Variants in CUBN observed in about 807,000 individuals in gnomAD.
CUBN encodes cubilin.
CUBN carries 282 observed loss-of-function variants against 405.3 expected under a neutral mutation model. The observed-to-expected ratio is 0.70, with a 90% CI of 0.63 to 0.77. The LOEUF is 0.77. CUBN is among the 30% of genes least tolerant of loss of function. The pLI is 0.00. For missense variants in CUBN, 4,514 were observed against 4,475.2 expected (o/e 1.01, Z -0.25); for synonymous variants, 1,684 against 1,617.0 (o/e 1.04, Z -0.99).
At chr10:16,949,123 G>A (rs1842856807) in intron 34 of CUBN, among the ~76,000 whole-genome samples, 1 of 152,182 alleles carries the variant, frequency 6.6e-6, no homozygotes. Flanking sequence ...AGATTACAAG[G>A]ATTGACCTAC....
chr10:17,117,696 C>T (rs1013982092), intron 6 of CUBN, among the ~76,000 whole-genome samples: 3 of 152,182 alleles, frequency 2.0e-5, no homozygotes, highest in Non-Finnish European at 4.4e-5. Context: ...TCCCAAAGTC[C>T]TGGGATTACA....
At chr10:16,958,223 C>T (rs1331851618) in intron 31 of CUBN, among the ~76,000 whole-genome samples, 1 of 152,224 alleles carries the variant, frequency 6.6e-6, no homozygotes, top group African/African-American at 2.4e-5. Context: ...CCCCTACCCC[C>T]AGCCCCTGAG....
chr10:16,915,741 T>G (rs1435422795), intron 46 of CUBN, 80 bp downstream of exon 46: 3 of 1,233,188 alleles, frequency 2.4e-6, no homozygotes, highest in Non-Finnish European at 3.6e-6. Context: ...TTGCCTTTCT[T>G]GGAAGTGAAG....
intron 28 of CUBN, among the ~76,000 whole-genome samples, chr10:17,017,923 G>A (rs1284973806): frequency 6.6e-6 from 1 of 152,168 alleles, no homozygotes; most frequent in African/African-American, 2.4e-5. Flanking sequence ...AGATGGGCAA[G>A]TCTTGCTTGG....
intron 51 of CUBN, among the ~76,000 whole-genome samples, chr10:16,903,104 A>G (rs1031068243): frequency 1.3e-5 from 2 of 152,210 alleles, no homozygotes; most frequent in African/African-American, 2.4e-5. Context: ...ACAAAATAGG[A>G]TTTATCCCAG....
chr10:16,960,810 C>T (rs1229426264), intron 31 of CUBN, among the ~76,000 whole-genome samples: 2 of 152,082 alleles, frequency 1.3e-5, no homozygotes, highest in African/African-American at 4.8e-5. Flanking sequence ...GGCAGGCTTC[C>T]TATATGCCAG....
chr10:17,045,155 G>T lies in CUBN; in HGVS notation c.3524C>A (p.Thr1175Lys), dbSNP rs745729648. 5 of 1,613,790 alleles carry T rather than the reference G, an allele frequency of 3.1e-6. No homozygotes were observed. Among genetic ancestry groups the T allele is most frequent in the Non-Finnish European group, 4.2e-6 (5 of 1,179,930 alleles). Residue 1175 changes from threonine to lysine, a missense_variant, in exon 25 of 67, where the codon ACG becomes AAG. By Grantham distance (78) the Thr-to-Lys change is moderately conservative (BLOSUM62 -1). Coordinates refer to ENST00000377833, the MANE Select transcript of CUBN (RefSeq NM_001081.4). The stretch of plus-strand genomic sequence containing the variant: ...CATCGGGTAGTTGGGAGATATGAAC[G>T]TGCCGCTTGAAGTGGTGAGATTACC... The part of the protein sequence containing the change: ...CGGNLTTSSG[T>K]FISPNYPMPY...
chr10:17,122,780 A>G lies in CUBN; in HGVS notation c.593+15T>C, dbSNP rs776577132. On this transcript the variant is annotated intron_variant, in intron 6 of 66. Coordinates refer to ENST00000377833, the MANE Select transcript of CUBN (RefSeq NM_001081.4). ...AAATATACTGATATTTACCAAAAAA[A>G]AAAAAAAAAGTTACCTGTAACTTCC... The G allele has an allele frequency of 6.0e-5, 95 of 1,573,038 alleles. No individual in the cohort carries two copies. Among genetic ancestry groups the G allele is most frequent in the African/African-American group, 2.7e-5 (2 of 73,978 alleles).
intron 48 of CUBN, among the ~76,000 whole-genome samples, chr10:16,912,913 G>A (rs1268271604): frequency 6.6e-6 from 1 of 152,206 alleles, no homozygotes; most frequent in Non-Finnish European, 1.5e-5. Flanking sequence ...ATCACATGCT[G>A]CTGTGTTGAG....
Position 17,100,136 on chromosome 10 carries a change from A to G in CUBN, c.1634T>C (p.Leu545Pro), listed in dbSNP as rs765388317. Residue 545 changes from leucine (L) to proline (P), a missense_variant, in exon 14 of 67, where the codon CTT becomes CCT. Leu to Pro is a moderately conservative substitution (Grantham distance 98). Around this residue, in one of 5 missense-constraint regions of CUBN, gnomAD observed 1,448 missense variants for 1,388.0 expected, o/e 1.04. Transcript: ENST00000377833. ...GAGGCTGGAGCCACAAAATCTTCCA[A>G]GTTGAAAAGCAGAAGAGGAATCTCC... ...YDGDSSSAFQLGRFCGSSLPH... is the reference protein window; with the variant it reads ...YDGDSSSAFQPGRFCGSSLPH... 1.9e-6 allele frequency: 3 copies of G among 1,613,812 alleles called. No individual in the cohort carries two copies. The highest frequency in any genetic ancestry group is 1.3e-5 in the African/African-American group (1 of 74,926).
chr10:17,091,045 G>C (rs12098704), intron 14 of CUBN, among the ~76,000 whole-genome samples: 23,759 of 152,042 alleles, frequency 0.16, 2,107 homozygotes, highest in Middle Eastern at 0.31. Flanking sequence ...GAAAAAGTCA[G>C]AGCTCTTTAG....
intron 16 of CUBN, 62 bp from the exon 17 acceptor site, chr10:17,084,523 G>T: frequency 1.4e-6 from 2 of 1,438,570 alleles, no homozygotes; most frequent in Non-Finnish European, 1.9e-6. Flanking sequence ...TGCAGGCATT[G>T]GATCCAATTT....
chr10:17,094,991 C>G (rs1043381455), intron 14 of CUBN, among the ~76,000 whole-genome samples: 1 of 151,904 alleles, frequency 6.6e-6, no homozygotes, highest in African/African-American at 2.4e-5. Flanking sequence ...AAATACACTA[C>G]TTGATTTTAA....
intron 14 of CUBN, among the ~76,000 whole-genome samples, chr10:17,089,617 G>T (rs1836206865): frequency 1.3e-5 from 2 of 152,076 alleles, no homozygotes. Flanking sequence ...GAGGCTGTGG[G>T]GACATAGACA....
chr10:16,915,752 A>G, intron 46 of CUBN, 69 bp downstream of exon 46: 2 of 1,355,394 alleles, frequency 1.5e-6, no homozygotes, highest in African/African-American at 2.9e-5. Context: ...GGAAGTGAAG[A>G]AACTTCAGAG....
At chr10:17,097,002 T>A (rs1338464965) in intron 14 of CUBN, among the ~76,000 whole-genome samples, 1 of 152,120 alleles carries the variant, frequency 6.6e-6, no homozygotes, top group Non-Finnish European at 1.5e-5. Flanking sequence ...AAGTTCAAAC[T>A]CATTTGTCAA....
chr10:17,102,886 G>A (rs1836530751), intron 13 of CUBN, among the ~76,000 whole-genome samples: 1 of 152,048 alleles, frequency 6.6e-6, no homozygotes, highest in African/African-American at 2.4e-5. Flanking sequence ...TCAAAGTGCT[G>A]GGATTACAGG....
At chr10:17,114,395 G>A (rs1374057298) in intron 7 of CUBN, among the ~76,000 whole-genome samples, 1 of 152,110 alleles carries the variant, frequency 6.6e-6, no homozygotes, top group East Asian at 1.9e-4. Flanking sequence ...CAGAGTAAAA[G>A]CAAGCTATAA....
At chr10:16,918,177 C>T (rs1248861037) in intron 45 of CUBN, among the ~76,000 whole-genome samples, 1 of 152,156 alleles carries the variant, frequency 6.6e-6, no homozygotes, top group Non-Finnish European at 1.5e-5. Flanking sequence ...CAGTACCATG[C>T]TGTTTTGGTT....
Sources: gnomAD v4.1 joint callset for allele counts (sites outside exome capture counted in the v4.1 genomes callset) on GRCh38, gnomAD v4.1.1 for gene constraint, gnomAD v4.1.1 regional missense constraint, MANE v1.5 for transcripts, NCBI Gene and HGNC (gene_info 2026-07-23, HGNC 2026-07-21) for gene names.